CATSPER2: variants seen among roughly 807,000 people sequenced by gnomAD.
CATSPER2 encodes cation channel sperm-associated protein 2.
CATSPER2 carries 56 observed loss-of-function variants against 68.8 expected under a neutral mutation model. The observed-to-expected ratio is 0.81, with a 90% CI of 0.66 to 1.02. CATSPER2 has a LOEUF of 1.02. Ranked by LOEUF, CATSPER2 falls within the 50% of genes least tolerant of loss-of-function variation. The pLI, the probability that CATSPER2 is intolerant of heterozygous loss-of-function variation, is 0.00. For missense variants in CATSPER2, 582 were observed against 642.0 expected, an observed-to-expected ratio of 0.91 and a Z score of 1.01; for synonymous variants, 198 against 229.9, an observed-to-expected ratio of 0.86 and a Z score of 1.26.
Position 43,648,810 on chromosome 15 carries a change from G to GCCCCTAC in CATSPER2, c.-191_-185dup, listed in dbSNP as rs1421321810. On this transcript the variant is annotated 5_prime_UTR_variant, in exon 1 of 13. Coordinates refer to ENST00000396879, the MANE Select transcript of CATSPER2 (RefSeq NM_172095.4). ...CGGCTCACCCCGGGACCCGGCCCTA[G>GCCCCTAC]CCCCTACCCACAGCCCAGGACCATG... 2 of 1,531,034 alleles carry GCCCCTAC rather than the reference G, an allele frequency of 1.3e-6. No individual in the cohort carries two copies. The highest frequency in any genetic ancestry group is 2.8e-5 in the African/African-American group (2 of 71,940). 94.8% of individuals were successfully genotyped at this position (1,531,034 alleles called of 1,614,324 possible). A position where few individuals can be genotyped will look rare whatever the true frequency, so the allele number is the denominator to read the frequency against.
At chr15:43,648,592 G>C in intron 1 of CATSPER2, 37 bp downstream of exon 1, 1 of 1,372,848 alleles carries the variant, frequency 7.3e-7, no homozygotes, top group Non-Finnish European at 9.4e-7. Context: ...TCGGGGGCTA[G>C]CTCCTTCTCT....
rs1374736621 is a variant in CATSPER2 at position 43,635,527 on chromosome 15, T to C, written c.1122-111A>G. On this transcript the variant is annotated intron_variant, in intron 9 of 12. Transcript: ENST00000396879. The stretch of plus-strand genomic sequence containing the variant: ...AAGAAAACTAATTGGGGAGAACAAA[T>C]TGTAGTCAAGGGGTGAAAAAAATGG... The C allele has an allele frequency of 3.9e-6, 5 of 1,288,020 alleles. No homozygotes were observed. In the East Asian group the frequency reaches 1.2e-4, roughly 30 times the overall value. The allele number at this position is 1,288,020 out of a possible 1,614,324, so 79.8% of individuals were successfully genotyped here. A position where few individuals can be genotyped will look rare whatever the true frequency, so the allele number is the denominator to read the frequency against.
intron 7 of CATSPER2, among the ~76,000 whole-genome samples, chr15:43,637,999 G>T (rs527561782): frequency 6.7e-6 from 1 of 150,260 alleles, no homozygotes; most frequent in South Asian, 2.1e-4. Context: ...TTGTTGCCCA[G>T]GCTGGAGTGC....
At chr15:43,639,408 CA>C in intron 6 of CATSPER2, 1 of 440,556 alleles carries the variant, frequency 2.3e-6, no homozygotes, top group Non-Finnish European at 3.9e-6. Flanking sequence ...CCAAGCCCGG[CA>C]ATTTTTTTTT....
At position 43,647,935 on chromosome 15, in the gene CATSPER2, T is replaced by A. The variant is rs759014019; in HGVS notation, c.127A>T (p.Thr43Ser). 6 of 1,613,734 alleles carry A rather than the reference T, an allele frequency of 3.7e-6. No homozygotes were observed. The South Asian group carries it at 6.6e-5, about 18-fold the overall frequency. The change falls in exon 2 of 13, where the codon ACT (threonine) becomes TCT (serine). Residue 43 changes from threonine (T) to serine (S), a missense_variant. Coordinates refer to ENST00000396879, the MANE Select transcript of CATSPER2 (RefSeq NM_172095.4). Reference sequence around the variant, plus strand: ...TGCTGACCAAGTAACTCCCTGATAGTGTGCCGCGGCACAGCTTGGCTCAAG... The same window carrying A: ...TGCTGACCAAGTAACTCCCTGATAGAGTGCCGCGGCACAGCTTGGCTCAAG... The part of the protein sequence containing the change: ...QGLSQAVPRH[T>S]IRELLDPSRQ...
intron 4 of CATSPER2, among the ~76,000 whole-genome samples, chr15:43,644,487 C>G (rs1357777053): frequency 6.6e-6 from 1 of 151,856 alleles, no homozygotes; most frequent in Non-Finnish European, 1.5e-5. Context: ...TCTATTAGAT[C>G]TAGGGCAGGG....
chr15:43,638,723 C>T (rs1595977138), intron 7 of CATSPER2, among the ~76,000 whole-genome samples, 181 bp downstream of exon 7: 2 of 151,922 alleles, frequency 1.3e-5, no homozygotes, highest in Non-Finnish European at 2.9e-5. Flanking sequence ...GCTGCCCTAA[C>T]CTCAAGATCA....
rs2085853549 is a variant in CATSPER2, at chr15:43,630,501, T to C, written c.*200A>G. The C allele has an allele frequency of 8.6e-7, 1 of 1,166,556 alleles. No individual in the cohort carries two copies. The highest frequency in any genetic ancestry group is 1.5e-5 in the South Asian group (1 of 65,990). The allele number at this position is 1,166,556 out of a possible 1,614,324, so 72.3% of individuals were successfully genotyped here. A position where few individuals can be genotyped will look rare whatever the true frequency, so the allele number is the denominator to read the frequency against. On this transcript the variant is annotated 3_prime_UTR_variant, in exon 13 of 13. Transcript: ENST00000396879. ...TCCCAAGTAGCTATGATTACAAGCA[T>C]CTGCCACCACACCCAGCTAATTTTT...
At chr15:43,639,338 G>A (rs1347353017) in intron 6 of CATSPER2, 5 of 460,564 alleles carry the variant, frequency 1.1e-5, no homozygotes, top group South Asian at 4.4e-5. Flanking sequence ...TCCGCCTCCC[G>A]GGTTCAAGTG....
Position 43,630,634 on chromosome 15 carries a change from C to A in CATSPER2, c.*67G>T. The A allele has an allele frequency of 1.2e-6, 2 of 1,608,456 alleles. No individual in the cohort carries two copies. Among genetic ancestry groups the A allele is most frequent in the Non-Finnish European group, 1.7e-6 (2 of 1,177,568 alleles). ...TATCTGAATGTTTATATTTTCAATTCTCTATTTCCAACAATTCCCTTCATT... is the reference window on the plus strand; with the variant it reads ...TATCTGAATGTTTATATTTTCAATTATCTATTTCCAACAATTCCCTTCATT... On this transcript the variant is annotated 3_prime_UTR_variant, in exon 13 of 13. Transcript: ENST00000396879.
At chr15:43,646,484 T>C (rs2920782) in intron 4 of CATSPER2, among the ~76,000 whole-genome samples, 57,935 of 150,852 alleles carry the variant, frequency 0.38, 14,028 homozygotes, top group African/African-American at 0.67. Context: ...TGGTCTTGAA[T>C]TCCTGACCTC....
Position 43,630,453 on chromosome 15 carries a change from C to G in CATSPER2, c.*248G>C, listed in dbSNP as rs1488052546. 1.5e-6 allele frequency: 1 copy of G among 679,466 alleles called. No individual in the cohort carries two copies. The highest frequency in any genetic ancestry group is 4.8e-4 in the Middle Eastern group (1 of 2,068). 42.1% of individuals were successfully genotyped at this position (679,466 alleles called of 1,614,324 possible). On this transcript the variant is annotated 3_prime_UTR_variant, in exon 13 of 13. Transcript: ENST00000396879. Reference sequence around the variant, plus strand: ...CACTGCAACCTCTGACTCCCAGGTTCAAGTGATTCTCCTGCCTCAGGCTCC... The same window carrying G: ...CACTGCAACCTCTGACTCCCAGGTTGAAGTGATTCTCCTGCCTCAGGCTCC...
chr15:43,644,008 C>A (rs1328756500), intron 4 of CATSPER2, among the ~76,000 whole-genome samples: 2 of 151,974 alleles, frequency 1.3e-5, no homozygotes, highest in Admixed American at 1.3e-4. Flanking sequence ...GGATTATCTA[C>A]ACTTGCATTG....
intron 12 of CATSPER2, 152 bp from the exon 13 acceptor site, chr15:43,630,884 CA>C: frequency 6.6e-7 from 1 of 1,523,912 alleles, no homozygotes; most frequent in African/African-American, 1.4e-5. Flanking sequence ...TACTCTTTGC[CA>C]TAGACAAGTT....
rs1253894132 is a variant in CATSPER2, at chr15:43,648,797, G to A, written c.-171C>T. 5.9e-6 allele frequency: 9 copies of A among 1,531,770 alleles called. No individual in the cohort carries two copies. The African/African-American group carries it at 9.7e-5, about 17-fold the overall frequency. The allele number at this position is 1,531,770 out of a possible 1,614,324, so 94.9% of individuals were successfully genotyped here. A position where few individuals can be genotyped will look rare whatever the true frequency, so the allele number is the denominator to read the frequency against. ...GACCCCCAGGTTTCGGCTCACCCCG[G>A]GACCCGGCCCTAGCCCCTACCCACA... is the stretch of plus-strand genomic sequence containing the variant. On this transcript the variant is annotated 5_prime_UTR_variant, in exon 1 of 13. Coordinates refer to ENST00000396879, the MANE Select transcript of CATSPER2 (RefSeq NM_172095.4).
chr15:43,632,226 C>T lies in CATSPER2; in HGVS notation c.1534G>A (p.Glu512Lys), dbSNP rs748663262. 6.2e-7 allele frequency: 1 copy of T among 1,613,664 alleles called. No individual in the cohort carries two copies. The highest frequency in any genetic ancestry group is 1.3e-5 in the African/African-American group (1 of 74,942). The change falls in exon 12 of 13, where the codon GAA becomes AAA. Residue 512 changes from glutamate to lysine, a missense_variant. This residue lies in a region of CATSPER2 where 235 missense variants were observed against 264.2 expected (regional missense o/e 0.89). Transcript: ENST00000396879. Reference protein sequence around the residue: ...LLEKLQYNLEERKKLQEFAVQ... With the variant: ...LLEKLQYNLEKRKKLQEFAVQ... ...GCAAACTCTTGTAACTTCTTACGTT[C>T]CTCTAGGTTATACTGAAGCTTTTCT...
chr15:43,638,290 T>TTTC (rs2086003835), intron 7 of CATSPER2, among the ~76,000 whole-genome samples: 3 of 66,970 alleles, frequency 4.5e-5, no homozygotes, highest in African/African-American at 3.6e-4. Flanking sequence ...TTCTTTCTTT[T>TTTC]TTTTTTTTTT....
At chr15:43,646,141 A>T (rs1028072365) in intron 4 of CATSPER2, among the ~76,000 whole-genome samples, 4 of 151,868 alleles carry the variant, frequency 2.6e-5, no homozygotes, top group Non-Finnish European at 2.9e-5. Context: ...ATTCAAACAA[A>T]TGTCAGGCTA....
chr15:43,630,379 G>A lies in CATSPER2; in HGVS notation c.*322C>T. 1 of 394,794 alleles carries A rather than the reference G, an allele frequency of 2.5e-6. No individual in the cohort carries two copies. The allele number at this position is 394,794 out of a possible 1,614,324, so 24.5% of individuals were successfully genotyped here. ...GGAGTATTTATAAGACACTTATACA[G>A]AGTCTCACTCTGTTGCCCAGGCTGG... On this transcript the variant is annotated 3_prime_UTR_variant, in exon 13 of 13. Transcript: ENST00000396879.
Sources: allele counts gnomAD v4.1 joint callset (sites outside exome capture counted in the v4.1 genomes callset), GRCh38; gene constraint gnomAD v4.1.1; regional missense constraint gnomAD v4.1.1; transcripts MANE v1.5; gene names NCBI Gene and HGNC (gene_info 2026-07-23, HGNC 2026-07-21).